RTEL1: variants seen among roughly 807,000 people sequenced by gnomAD.
The protein encoded by RTEL1 is regulator of telomere elongation helicase 1.
Under a neutral mutation model 162.2 loss-of-function variants are expected in RTEL1, and 86 were observed. That is an observed-to-expected ratio of 0.53 (90% confidence interval 0.45 to 0.63). The LOEUF is 0.63. Among genes scored for constraint, RTEL1 ranks in the 30% least tolerant of loss-of-function variants. The pLI is 0.00. For missense variants in RTEL1, 1,941 were observed against 1,750.2 expected (o/e 1.11, Z -1.95); for synonymous variants, 958 against 717.9 (o/e 1.33, Z -5.35).
intron 8 of RTEL1, 141 bp downstream of exon 8, chr20:63,667,694 G>T: frequency 1.4e-6 from 1 of 717,934 alleles, no homozygotes. Context: ...TCACTGGGCA[G>T]GGGCTCAACC....
intron 10 of RTEL1, among the ~76,000 whole-genome samples, chr20:63,676,859 C>T (rs954259408): frequency 2.0e-5 from 3 of 152,244 alleles, no homozygotes; most frequent in Non-Finnish European, 2.9e-5. Flanking sequence ...CACTTGAACC[C>T]AGGAGGCGGA....
intron 13 of RTEL1, 110 bp downstream of exon 13, chr20:63,680,056 G>C: frequency 1.4e-6 from 1 of 715,426 alleles, no homozygotes. Context: ...CCGTCAGCAG[G>C]AACAGGCCCA....
At position 63,659,386 on chromosome 20, in the gene RTEL1, T is replaced by G; in HGVS notation, c.-17T>G. Reference sequence around the variant, plus strand: ...GCCCCTCAGCCACGCTCTGTGCCCTTCTGAGAACAGGCTGATATGCCCAAG... The same window carrying G: ...GCCCCTCAGCCACGCTCTGTGCCCTGCTGAGAACAGGCTGATATGCCCAAG... On this transcript the variant is annotated 5_prime_UTR_variant, in exon 2 of 35. Transcript: ENST00000360203. 3 of 1,602,356 alleles carry G rather than the reference T, an allele frequency of 1.9e-6. No individual in the cohort carries two copies. Among genetic ancestry groups the G allele is most frequent in the Non-Finnish European group, 2.6e-6 (3 of 1,169,292 alleles).
At position 63,695,229 on chromosome 20, in the gene RTEL1, A is replaced by G; in HGVS notation, c.3499+8A>G. The stretch of plus-strand genomic sequence containing the variant: ...ACAGGGCTCCCCAACCAGGTAGGGC[A>G]CCTGCCTGGCTGCTCCTGGCAGCGC... On this transcript the variant is annotated splice_region_variant and intron_variant, in intron 33 of 34. Coordinates refer to ENST00000360203, the MANE Select transcript of RTEL1 (RefSeq NM_001283009.2). The G allele has an allele frequency of 6.2e-7, 1 of 1,609,800 alleles. No homozygotes were observed. The highest frequency in any genetic ancestry group is 8.5e-7 in the Non-Finnish European group (1 of 1,178,130).
rs371578010 is a variant in RTEL1 at position 63,691,768 on chromosome 20, C to T, written c.2583C>T (p.Leu861=). Residue 861 remains leucine (L), a synonymous_variant, in exon 28 of 35, where the codon CTC becomes CTT. Transcript: ENST00000360203. ...EQAHSCSTLS[L]LSEKRPAEEP... ...CCCACAGCTGCTCCACCCTGTCCCT[C>T]CTGTCTGAGAAGAGGCCGGCAGAAG... 3.7e-6 allele frequency: 6 copies of T among 1,612,408 alleles called. No homozygotes were observed. Among genetic ancestry groups the T allele is most frequent in the Admixed American group, 1.7e-5 (1 of 59,994 alleles).
chr20:63,693,231 T>C lies in RTEL1; in HGVS notation c.2940T>C (p.Pro980=), dbSNP rs141618172. ...QLTGRGCGYR[P]EHSIPRRQRA... ...CAGGACGAGGCTGTGGCTATCGGCC[T>C]GAGCACAGCATTCCCCGAAGGCAGC... The change falls in exon 30 of 35, where the codon CCT becomes CCC. Residue 980 remains proline, a synonymous_variant. Transcript: ENST00000360203. 1.1e-4 allele frequency: 174 copies of C among 1,612,072 alleles called. No homozygotes were observed. The African/African-American group carries it at 2.1e-3, about 20-fold the overall frequency.
intron 8 of RTEL1, among the ~76,000 whole-genome samples, chr20:63,669,108 G>C (rs1454614363): frequency 2.6e-5 from 4 of 152,084 alleles, no homozygotes; most frequent in Non-Finnish European, 2.9e-5. Context: ...TCAGCCTCCC[G>C]AGTAGCTGGG....
Position 63,691,726 on chromosome 20 carries a change from G to A in RTEL1, c.2557-16G>A, listed in dbSNP as rs1432559413. The A allele has an allele frequency of 1.2e-6, 2 of 1,608,984 alleles. No individual in the cohort carries two copies. Among genetic ancestry groups the A allele is most frequent in the Non-Finnish European group, 1.7e-6 (2 of 1,176,876 alleles). Reference sequence around the variant, plus strand: ...GGTTGGGGTCTGTGTGTGGTTGTGAGCTGTGTCCTCCTCAGGCCCACAGCT... The same window carrying A: ...GGTTGGGGTCTGTGTGTGGTTGTGAACTGTGTCCTCCTCAGGCCCACAGCT... On this transcript the variant is annotated splice_polypyrimidine_tract_variant and intron_variant, in intron 27 of 34. Coordinates refer to ENST00000360203, the MANE Select transcript of RTEL1 (RefSeq NM_001283009.2).
Position 63,696,104 on chromosome 20 carries a change from C to A in RTEL1, c.*246C>A, listed in dbSNP as rs1020281464. The A allele has an allele frequency of 3.8e-5, 21 of 555,378 alleles. No homozygotes were observed. The South Asian group carries it at 4.9e-4, about 13-fold the overall frequency. 34.4% of individuals were successfully genotyped at this position (555,378 alleles called of 1,614,324 possible). ...TTTCTGGGAAAGTGCTTCCCCAGAACTTCCCTGGCTCCTGGCCTGTGAGTG... is the reference window on the plus strand; with the variant it reads ...TTTCTGGGAAAGTGCTTCCCCAGAAATTCCCTGGCTCCTGGCCTGTGAGTG... On this transcript the variant is annotated 3_prime_UTR_variant, in exon 35 of 35. Coordinates refer to ENST00000360203, the MANE Select transcript of RTEL1 (RefSeq NM_001283009.2).
intron 12 of RTEL1, 125 bp from the exon 13 acceptor site, chr20:63,679,724 C>G (rs1259479432): frequency 4.0e-6 from 3 of 749,916 alleles, no homozygotes; most frequent in East Asian, 5.1e-5. Context: ...GTTTTCTTCT[C>G]GGCAGCTACA....
chr20:63,690,760 TG>T, intron 26 of RTEL1, 44 bp from the exon 27 acceptor site: 1 of 1,554,524 alleles, frequency 6.4e-7, no homozygotes, highest in Non-Finnish European at 8.7e-7. Flanking sequence ...GGACCCCAGC[TG>T]GGGCCCCCCG....
intron 13 of RTEL1, 40 bp from the exon 14 acceptor site, chr20:63,680,624 C>A: frequency 6.2e-7 from 1 of 1,609,586 alleles, no homozygotes; most frequent in Admixed American, 1.7e-5. Flanking sequence ...GGGGCCTCCC[C>A]TGCCTGCAGT....
chr20:63,672,410 T>C, intron 8 of RTEL1, 146 bp from the exon 9 acceptor site: 1 of 684,190 alleles, frequency 1.5e-6, no homozygotes, highest in Non-Finnish European at 2.6e-6. Context: ...TGCCAGGTCA[T>C]CCAGGTCTGG....
At position 63,690,280 on chromosome 20, in the gene RTEL1, C is replaced by T. The variant is rs199913482; in HGVS notation, c.2266-14C>T. 3 of 1,602,232 alleles carry T rather than the reference C, an allele frequency of 1.9e-6. No homozygotes were observed. The highest frequency in any genetic ancestry group is 2.2e-5 in the East Asian group (1 of 44,534). ...GAGCCAGAAATGGGTCCACCCACCC[C>T]CATGGTTCTGCAGATGCCAGCGCCG... On this transcript the variant is annotated splice_polypyrimidine_tract_variant and intron_variant, in intron 25 of 34. Transcript: ENST00000360203.
chr20:63,662,096 G>A (rs2090032021), intron 4 of RTEL1, among the ~76,000 whole-genome samples, 153 bp downstream of exon 4: 1 of 152,208 alleles, frequency 6.6e-6, no homozygotes, highest in Non-Finnish European at 1.5e-5. Context: ...GCCCAGGGGT[G>A]GGGTGCGGCC....
chr20:63,686,070 G>A (rs1034943963), intron 16 of RTEL1, 198 bp downstream of exon 16: 12 of 620,912 alleles, frequency 1.9e-5, no homozygotes, highest in Non-Finnish European at 2.6e-5. Flanking sequence ...GTAGGAGATG[G>A]CCTGATGGCA....
rs536091740 is a variant in RTEL1 at position 63,682,239 on chromosome 20, G to A, written c.1191+1520G>A. On this transcript the variant is annotated intron_variant, in intron 14 of 34. Transcript: ENST00000360203. ...GCGGCTTCCAAGGCTTCCAGCTATG[G>A]AGAAGACTCCACACTCTGGAACCGA... The A allele has an allele frequency of 3.4e-4, 331 of 979,758 alleles. 1 individual carries two copies. Among genetic ancestry groups the A allele is most frequent in the Admixed American group, 2.1e-3 (34 of 16,276 alleles). 60.7% of individuals were successfully genotyped at this position (979,758 alleles called of 1,614,324 possible).
intron 8 of RTEL1, among the ~76,000 whole-genome samples, chr20:63,667,910 C>T (rs577602369): frequency 6.6e-6 from 1 of 152,128 alleles, no homozygotes; most frequent in East Asian, 1.9e-4. Flanking sequence ...TGACTCCCCT[C>T]TTCCCAGCGC....
chr20:63,667,570 G>T lies in RTEL1; in HGVS notation c.699+17G>T, dbSNP rs757244305. On this transcript the variant is annotated intron_variant, in intron 8 of 34. Coordinates refer to ENST00000360203, the MANE Select transcript of RTEL1 (RefSeq NM_001283009.2). ...GATGCCAAGGTGGGGGCTCAGTCCT[G>T]TAGCTGACGACTCCTGATGTCCAGG... 1.2e-6 allele frequency: 2 copies of T among 1,600,840 alleles called. No homozygotes were observed. The highest frequency in any genetic ancestry group is 3.3e-5 in the Admixed American group (2 of 59,986).
Sources: allele counts gnomAD v4.1 joint callset (sites outside exome capture counted in the v4.1 genomes callset), GRCh38; gene constraint gnomAD v4.1.1; transcripts MANE v1.5; gene names NCBI Gene and HGNC (gene_info 2026-07-23, HGNC 2026-07-21).